The following ARHGEF10 variants were observed in gnomAD, a reference collection of about 807,000 sequenced individuals.
ARHGEF10 encodes the protein Rho guanine nucleotide exchange factor (GEF) 10.
A neutral mutation model predicts 147.4 loss-of-function variants in ARHGEF10; 140 were observed. The ratio of observed to expected loss-of-function variants is 0.95; its 90% confidence interval spans 0.83 to 1.09. The LOEUF is 1.09. Among genes scored for constraint, ARHGEF10 ranks in the 50% least tolerant of loss-of-function variants. ARHGEF10 has a pLI of 0.00. For synonymous variants in ARHGEF10, 902 were observed against 695.8 expected (o/e 1.30, Z -4.67); for missense variants, 2,222 against 1,752.7 (o/e 1.27, Z -4.78).
intron 26 of ARHGEF10, among the ~76,000 whole-genome samples, chr8:1,941,031 A>C (rs771327671): frequency 6.6e-6 from 1 of 152,274 alleles, no homozygotes; most frequent in Non-Finnish European, 1.5e-5. Flanking sequence ...TTATGGTTAA[A>C]GAAGAAAAGT....
At chr8:1,827,310 AAAG>A (rs1355540710) in intron 1 of ARHGEF10, among the ~76,000 whole-genome samples, 1 of 152,184 alleles carries the variant, frequency 6.6e-6, no homozygotes. Context: ...TTTTGATAAA[AAAG>A]TGATCTTTTT....
chr8:1,882,597 G>C (rs1808298438), intron 9 of ARHGEF10, 38 bp from the exon 10 acceptor site: 2 of 1,522,274 alleles, frequency 1.3e-6, no homozygotes, highest in Admixed American at 2.0e-5. Context: ...GGTGGGTTCT[G>C]CCGCCGTCCC....
At chr8:1,943,549 C>G (rs1035434171) in intron 26 of ARHGEF10, 3 of 152,218 alleles carry the variant, frequency 2.0e-5, no homozygotes, top group Non-Finnish European at 4.4e-5. Flanking sequence ...TCTCCCACGC[C>G]GCACAGCCCA....
chr8:1,908,404 A>G (rs145168921), intron 17 of ARHGEF10, among the ~76,000 whole-genome samples: 2,754 of 151,492 alleles, frequency 0.018, 95 homozygotes, highest in African/African-American at 0.064. Flanking sequence ...CTAATTTTTT[A>G]AATATTTTTA....
intron 18 of ARHGEF10, among the ~76,000 whole-genome samples, chr8:1,914,433 T>TGGCTCCCTGGCCCCTGGCCCCTGCCCGAG (rs1563277588): frequency 6.6e-6 from 1 of 152,240 alleles, no homozygotes; most frequent in Non-Finnish European, 1.5e-5. Context: ...CCCTGCCCGA[T>TGGCTCCCTGGCCCCTGGCCCCTGCCCGAG]GCACTGCATG....
At chr8:1,896,491 A>G (rs1809986194) in intron 14 of ARHGEF10, 42 bp downstream of exon 14, 1 of 1,351,152 alleles carries the variant, frequency 7.4e-7, no homozygotes, top group Non-Finnish European at 1.1e-6. Flanking sequence ...ACACCATCTG[A>G]TAACAAGTTA....
rs747629175 is a variant in ARHGEF10, at chr8:1,923,831, G to A, written c.2445G>A (p.Lys815=). The stretch of plus-strand genomic sequence containing the variant: ...TCAATACGTTCACCCCTGCCATCAA[G>A]GAGTCCTGGGTCAACAGCTTACAGA... The part of the protein sequence containing the change: ...AVFNTFTPAI[K]ESWVNSLQMA... The change falls in exon 21 of 29, where the codon AAG becomes AAA. Residue 815 remains lysine (K), a synonymous_variant. Coordinates refer to ENST00000349830, the MANE Select transcript of ARHGEF10 (RefSeq NM_014629.4). 1.2e-6 allele frequency: 2 copies of A among 1,614,186 alleles called. No individual in the cohort carries two copies. Among genetic ancestry groups the A allele is most frequent in the Admixed American group, 1.7e-5 (1 of 60,024 alleles).
intron 27 of ARHGEF10, 139 bp from the exon 28 acceptor site, chr8:1,952,566 G>T: frequency 8.6e-7 from 1 of 1,169,046 alleles, no homozygotes; most frequent in Non-Finnish European, 1.2e-6. Flanking sequence ...CTCGGGTTTG[G>T]GAACTCCTGT....
intron 12 of ARHGEF10, 103 bp downstream of exon 12, chr8:1,893,749 A>AT: frequency 9.9e-7 from 1 of 1,009,418 alleles, no homozygotes; most frequent in Non-Finnish European, 1.5e-6. Context: ...TATGAAACAT[A>AT]ACATGCAAAT....
rs1214520799 is a variant in ARHGEF10, at chr8:1,890,747, A to C, written c.1183-2822A>C. ...GGGTAAGAGTCGAGGTTCTGTGAAG[A>C]GAGAGTGAGTAGTGATTGGTAGGGG... On this transcript the variant is annotated intron_variant, in intron 11 of 28. Coordinates refer to ENST00000349830, the MANE Select transcript of ARHGEF10 (RefSeq NM_014629.4). 2.8e-5 allele frequency among the ~76,000 whole-genome samples: 4 copies of C among 142,304 alleles called. No individual in the cohort carries two copies. In the South Asian group the frequency reaches 9.1e-4, roughly 32 times the overall value. 93.4% of individuals were successfully genotyped at this position (142,304 alleles called of 152,430 possible). A position where few individuals can be genotyped will look rare whatever the true frequency, so the allele number is the denominator to read the frequency against.
intron 10 of ARHGEF10, among the ~76,000 whole-genome samples, chr8:1,883,719 A>G (rs774534460): frequency 6.6e-6 from 1 of 152,090 alleles, no homozygotes; most frequent in Non-Finnish European, 1.5e-5. Context: ...TCATGCCCTG[A>G]TGAGGTGCCA....
chr8:1,924,879 A>C (rs1007785776), intron 21 of ARHGEF10, among the ~76,000 whole-genome samples: 3 of 152,226 alleles, frequency 2.0e-5, no homozygotes, highest in African/African-American at 7.2e-5. Context: ...TGTTTATCCC[A>C]TAGCATTATA....
At chr8:1,931,769 G>T (rs1813167083) in intron 25 of ARHGEF10, among the ~76,000 whole-genome samples, 1 of 145,436 alleles carries the variant, frequency 6.9e-6, no homozygotes, top group Non-Finnish European at 1.5e-5. Flanking sequence ...AGTTCAAAAC[G>T]TCATTAGCGT....
rs1173204794 is a variant in ARHGEF10, at chr8:1,876,666, G to A, written c.775G>A (p.Glu259Lys). The A allele has an allele frequency of 6.2e-7, 1 of 1,614,122 alleles. No individual in the cohort carries two copies. Among genetic ancestry groups the A allele is most frequent in the Non-Finnish European group, 8.5e-7 (1 of 1,180,052 alleles). ...WSSSEFESYE[E>K]QSDSECKNGI... ...TTCGAGTGAATTTGAAAGTTACGAA[G>A]AGCAGAGTGACTCGGAGTGCAAGAA... Residue 259 changes from glutamate to lysine, a missense_variant, in exon 8 of 29, where the codon GAG becomes AAG. Coordinates refer to ENST00000349830, the MANE Select transcript of ARHGEF10 (RefSeq NM_014629.4).
intron 8 of ARHGEF10, among the ~76,000 whole-genome samples, chr8:1,878,092 G>T (rs540068720): frequency 2.9e-4 from 44 of 152,126 alleles, no homozygotes; most frequent in African/African-American, 7.0e-4. Context: ...CACCTACCCA[G>T]TTTCATTCAC....
At chr8:1,873,446 G>C (rs1393602451) in intron 7 of ARHGEF10, among the ~76,000 whole-genome samples, 1 of 151,572 alleles carries the variant, frequency 6.6e-6, no homozygotes, top group Non-Finnish European at 1.5e-5. Flanking sequence ...CCGCGGGGTA[G>C]TGCACCCGCA....
At position 1,894,336 on chromosome 8, in the gene ARHGEF10, C is replaced by A; in HGVS notation, c.1261-57C>A. On this transcript the variant is annotated intron_variant, in intron 12 of 28. Coordinates refer to ENST00000349830, the MANE Select transcript of ARHGEF10 (RefSeq NM_014629.4). ...CTGCGCTGCACCCTGGACAACAAAA[C>A]AAGACCCAGGCTCTGAAAAAGAAAA... 2.5e-6 allele frequency: 4 copies of A among 1,595,294 alleles called. 1 individual carries two copies. In the South Asian group the frequency reaches 4.4e-5, roughly 18 times the overall value.
At chr8:1,890,150 GA>G (rs1809351451) in intron 11 of ARHGEF10, among the ~76,000 whole-genome samples, 1 of 33,042 alleles carries the variant, frequency 3.0e-5, no homozygotes, top group African/African-American at 1.1e-4. Flanking sequence ...GAGGGTTTGT[GA>G]GGAGACACTG....
intron 10 of ARHGEF10, 131 bp downstream of exon 10, chr8:1,882,880 G>A (rs1374156200): frequency 1.2e-6 from 1 of 838,818 alleles, no homozygotes; most frequent in Non-Finnish European, 2.0e-6. Flanking sequence ...AGCCTGCTCA[G>A]TGCTTGGGTC....
Sources: gnomAD v4.1 joint callset for allele counts (sites outside exome capture counted in the v4.1 genomes callset) on GRCh38, gnomAD v4.1.1 for gene constraint, MANE v1.5 for transcripts, NCBI Gene and HGNC (gene_info 2026-07-23, HGNC 2026-07-21) for gene names.